The following MIS18A variants were observed in gnomAD, a reference collection of about 807,000 sequenced individuals.
The protein encoded by MIS18A is MIS18 kinetochore protein A.
A neutral mutation model predicts 25.0 loss-of-function variants in MIS18A; 14 were observed. The observed-to-expected ratio is 0.56, with a 90% CI of 0.37 to 0.88. The LOEUF is 0.88. MIS18A is among the 40% of genes least tolerant of loss of function. The pLI is 0.00. For missense variants in MIS18A, 292 were observed against 290.8 expected (o/e 1.00, Z -0.03); for synonymous variants, 134 against 118.6 (o/e 1.13, Z -0.84).
chr21:32,231,730 G>A, the MIS18A span, among the ~76,000 whole-genome samples: 8 of 152,078 alleles, frequency 5.3e-5, no homozygotes, highest in African/African-American at 1.4e-4. Context: ...TGATAAACAC[G>A]GTGAAACCTC....
chr21:32,165,323 A>G, the MIS18A span, among the ~76,000 whole-genome samples: 1 of 152,102 alleles, frequency 6.6e-6, no homozygotes, highest in Admixed American at 6.6e-5. Context: ...AAACACATGA[A>G]GAACATAGAA....
At chr21:32,249,584 G>T in the MIS18A span, among the ~76,000 whole-genome samples, 1 of 152,180 alleles carries the variant, frequency 6.6e-6, no homozygotes, top group South Asian at 2.1e-4. Context: ...TTTTTATGGG[G>T]CTGTGTTAGT....
the MIS18A span, among the ~76,000 whole-genome samples, chr21:32,218,192 C>CAAAAAAAAA: frequency 1.8e-5 from 1 of 56,374 alleles, no homozygotes; most frequent in Non-Finnish European, 3.3e-5. Flanking sequence ...GACTCCATCT[C>CAAAAAAAAA]AAAAAAAAAA....
the MIS18A span, among the ~76,000 whole-genome samples, chr21:32,205,078 A>G: frequency 7.0e-6 from 1 of 142,416 alleles, no homozygotes; most frequent in Non-Finnish European, 1.5e-5. Context: ...TACTAATTAC[A>G]TCCTTATAAG....
chr21:32,212,029 AG>A, the MIS18A span, among the ~76,000 whole-genome samples: 1 of 152,322 alleles, frequency 6.6e-6, no homozygotes, highest in East Asian at 1.9e-4. Context: ...TTGGTATGAC[AG>A]AAAGTCTAAA....
At chr21:32,237,064 G>A in the MIS18A span, among the ~76,000 whole-genome samples, 7 of 54,398 alleles carry the variant, frequency 1.3e-4, no homozygotes, top group Admixed American at 1.8e-4. Context: ...CCCCACCCCC[G>A]CCCTGTAAAA....
chr21:32,157,233 T>TTTTTC, the MIS18A span, among the ~76,000 whole-genome samples: 1 of 61,868 alleles, frequency 1.6e-5, no homozygotes. Context: ...ATTTTTTTTT[T>TTTTTC]TTTTTTTGGT....
At chr21:32,190,105 C>T in the MIS18A span, among the ~76,000 whole-genome samples, 1 of 152,192 alleles carries the variant, frequency 6.6e-6, no homozygotes, top group South Asian at 2.1e-4. Flanking sequence ...TTTCAAATAG[C>T]CCCCAAGGGC....
the MIS18A span, among the ~76,000 whole-genome samples, chr21:32,191,193 G>A: frequency 1.1e-4 from 16 of 152,306 alleles, no homozygotes; most frequent in South Asian, 1.7e-3. Context: ...AACGTAAAGC[G>A]CACCATAAAT....
At chr21:32,219,309 G>C in the MIS18A span, among the ~76,000 whole-genome samples, 1 of 152,120 alleles carries the variant, frequency 6.6e-6, no homozygotes, top group Non-Finnish European at 1.5e-5. Context: ...TTACACAGTG[G>C]GTGCAGCCCA....
chr21:32,259,021 A>G, the MIS18A span, among the ~76,000 whole-genome samples: 1 of 130 alleles, frequency 7.7e-3, no homozygotes, highest in African/African-American at 0.031. Flanking sequence ...CTGCAAGTGC[A>G]CGCTACCACT....
At chr21:32,199,571 G>C in the MIS18A span, among the ~76,000 whole-genome samples, 5 of 152,146 alleles carry the variant, frequency 3.3e-5, no homozygotes, top group South Asian at 8.3e-4. Context: ...ACTTTGAGAG[G>C]GGGAGGCAGG....
the MIS18A span, among the ~76,000 whole-genome samples, chr21:32,166,749 T>C: frequency 1.3e-5 from 2 of 152,196 alleles, no homozygotes; most frequent in African/African-American, 2.4e-5. Flanking sequence ...GAAATAATTA[T>C]GTAGATACTC....
At chr21:32,230,634 G>C in the MIS18A span, among the ~76,000 whole-genome samples, 1 of 152,108 alleles carries the variant, frequency 6.6e-6, no homozygotes, top group African/African-American at 2.4e-5. Flanking sequence ...TTAATTCAAT[G>C]GAAAAAGAAT....
the MIS18A span, among the ~76,000 whole-genome samples, chr21:32,169,310 C>T: frequency 3.3e-5 from 5 of 152,090 alleles, no homozygotes; most frequent in Non-Finnish European, 2.9e-5. Flanking sequence ...TCTAGCAACT[C>T]CCTGGAAAAG....
the MIS18A span, among the ~76,000 whole-genome samples, chr21:32,155,942 C>T: frequency 8.5e-6 from 1 of 117,710 alleles, no homozygotes; most frequent in Non-Finnish European, 1.9e-5. Context: ...CCAGTGTCAC[C>T]AATTGTTAGG....
At chr21:32,254,921 G>A in the MIS18A span, among the ~76,000 whole-genome samples, 1 of 152,174 alleles carries the variant, frequency 6.6e-6, no homozygotes, top group African/African-American at 2.4e-5. Context: ...ACATAACGCC[G>A]AGAGTTTGGT....
the MIS18A span, among the ~76,000 whole-genome samples, chr21:32,262,184 A>G: frequency 6.6e-6 from 1 of 152,224 alleles, no homozygotes; most frequent in Non-Finnish European, 1.5e-5. Flanking sequence ...TTCTGTGAGA[A>G]TGAGGTAGTA....
chr21:32,170,730 T>C, the MIS18A span, among the ~76,000 whole-genome samples: 1 of 152,010 alleles, frequency 6.6e-6, no homozygotes, highest in Admixed American at 6.5e-5. Flanking sequence ...TAGAATAATG[T>C]CAATAAAATA....
Sources: allele counts gnomAD v4.1 joint callset (sites outside exome capture counted in the v4.1 genomes callset), GRCh38; gene constraint gnomAD v4.1.1; transcripts MANE v1.5; gene names NCBI Gene and HGNC (gene_info 2026-07-23, HGNC 2026-07-21).